Variants in SYNE1 observed in about 807,000 individuals in gnomAD.
The protein encoded by SYNE1 is spectrin repeat containing nuclear envelope protein 1, also known as nesprin-1.
SYNE1 carries 616 observed loss-of-function variants against 1,111.0 expected under a neutral mutation model. The observed-to-expected ratio is 0.55, with a 90% confidence interval of 0.52 to 0.59. The LOEUF (loss-of-function observed/expected upper bound fraction) is 0.59, where lower values mean the gene tolerates loss of function less well. Ranked by LOEUF, SYNE1 falls within the 20% of genes least tolerant of loss-of-function variation. SYNE1 has a pLI of 0.00. For synonymous variants in SYNE1, 3,855 were observed against 3,825.8 expected (o/e 1.01, Z -0.28); for missense variants, 10,006 against 10,417.0 (o/e 0.96, Z 1.72).
Position 152,187,998 on chromosome 6 carries a change from C to T in SYNE1, c.23301+1254G>A, listed in dbSNP as rs867310673. Among the ~76,000 whole-genome samples, 17 of 152,222 alleles carry T rather than the reference C, an allele frequency of 1.1e-4. 1 individual carries two copies. The Middle Eastern group carries it at 0.014, about 122-fold the overall frequency. On this transcript the variant is annotated intron_variant, in intron 128 of 145. Coordinates refer to ENST00000367255, the MANE Select transcript of SYNE1 (RefSeq NM_182961.4). Reference sequence around the variant, plus strand: ...GCCTCAGCCTCCCAAAGTGCTGGGACTACAGTCATAAGCCACCACACCTGG... The same window carrying T: ...GCCTCAGCCTCCCAAAGTGCTGGGATTACAGTCATAAGCCACCACACCTGG...
chr6:152,543,126 A>C (rs997622975), intron 3 of SYNE1, among the ~76,000 whole-genome samples: 4 of 152,136 alleles, frequency 2.6e-5, no homozygotes, highest in African/African-American at 9.6e-5. Context: ...TAACAATTTC[A>C]TCTGATGGTA....
At chr6:152,302,219 C>G (rs1362310235) in intron 91 of SYNE1, 156 bp from the exon 92 acceptor site, 1 of 984,010 alleles carries the variant, frequency 1.0e-6, no homozygotes, top group Non-Finnish European at 1.5e-6. Flanking sequence ...CTGCATCTCG[C>G]TACCGAGCCA....
chr6:152,138,418 G>C (rs879788256), intron 140 of SYNE1, among the ~76,000 whole-genome samples: 9 of 151,920 alleles, frequency 5.9e-5, no homozygotes, highest in South Asian at 2.1e-4. Context: ...GGCCGAGGCA[G>C]GAGAAACGCT....
At chr6:152,213,427 G>A (rs758686368) in intron 123 of SYNE1, among the ~76,000 whole-genome samples, 185 bp downstream of exon 123, 1 of 152,132 alleles carries the variant, frequency 6.6e-6, no homozygotes, top group Non-Finnish European at 1.5e-5. Flanking sequence ...ATGGAGCAGC[G>A]AATAGGACTA....
rs1007759443 is a variant in SYNE1 at position 152,352,609 on chromosome 6, G to A, written c.11254-256C>T. 2.0e-5 allele frequency among the ~76,000 whole-genome samples: 3 copies of A among 151,988 alleles called. No homozygotes were observed. The East Asian group carries it at 5.8e-4, about 29-fold the overall frequency. ...AGTAGAGACAGGGTTTCACCATGTG[G>A]GTCAGGCTGGTCTTGAACTTCTGAC... On this transcript the variant is annotated intron_variant, in intron 69 of 145. Coordinates refer to ENST00000367255, the MANE Select transcript of SYNE1 (RefSeq NM_182961.4).
chr6:152,628,247 G>A lies in SYNE1; in HGVS notation c.67+18C>T, dbSNP rs2099690211. 1.2e-6 allele frequency: 2 copies of A among 1,613,864 alleles called. No individual in the cohort carries two copies. The highest frequency in any genetic ancestry group is 2.2e-5 in the East Asian group (1 of 44,870). On this transcript the variant is annotated intron_variant, in intron 3 of 145. Coordinates refer to ENST00000367255, the MANE Select transcript of SYNE1 (RefSeq NM_182961.4). ...TGGTATTTGAATTTTTTTAAAACCTGAAATTTCTTCCCCCTACCTTGCAGC... is the reference window on the plus strand; with the variant it reads ...TGGTATTTGAATTTTTTTAAAACCTAAAATTTCTTCCCCCTACCTTGCAGC...
chr6:152,170,395 C>T (rs984213806), intron 130 of SYNE1, among the ~76,000 whole-genome samples: 3 of 152,170 alleles, frequency 2.0e-5, no homozygotes, highest in African/African-American at 7.2e-5. Context: ...GGAGATGTGG[C>T]AGTTAGTTTC....
chr6:152,341,194 A>T (rs922455217), intron 74 of SYNE1, among the ~76,000 whole-genome samples: 3 of 152,212 alleles, frequency 2.0e-5, no homozygotes, highest in Non-Finnish European at 2.9e-5. Context: ...TGGTATTGTG[A>T]GTCATCAGCC....
At chr6:152,246,812 T>G (rs1250059218) in intron 105 of SYNE1, among the ~76,000 whole-genome samples, 2 of 152,204 alleles carry the variant, frequency 1.3e-5, no homozygotes, top group East Asian at 3.8e-4. Context: ...AGAATGTTTT[T>G]AGATTCCTTA....
intron 42 of SYNE1, among the ~76,000 whole-genome samples, chr6:152,413,005 C>A (rs2098090816): frequency 6.6e-6 from 1 of 152,078 alleles, no homozygotes; most frequent in African/African-American, 2.4e-5. Context: ...GCACCCTCTA[C>A]CACACTCGGC....
intron 13 of SYNE1, 63 bp from the exon 14 acceptor site, chr6:152,483,312 A>G (rs990322437): frequency 3.3e-5 from 46 of 1,404,096 alleles, no homozygotes; most frequent in Admixed American, 1.0e-4. Context: ...ATAAAATTGC[A>G]CCCAAATAAT....
intron 78 of SYNE1, among the ~76,000 whole-genome samples, chr6:152,327,784 T>C (rs2096118775): frequency 6.6e-6 from 1 of 152,184 alleles, no homozygotes; most frequent in Non-Finnish European, 1.5e-5. Flanking sequence ...ACCTGACAAA[T>C]GTTTTTCAAG....
chr6:152,456,193 C>T (rs1409320196), intron 22 of SYNE1, 149 bp from the exon 23 acceptor site: 9 of 753,084 alleles, frequency 1.2e-5, no homozygotes, highest in Non-Finnish European at 4.2e-6. Flanking sequence ...TATGGTGGAA[C>T]ATTTCAAAAG....
intron 108 of SYNE1, among the ~76,000 whole-genome samples, chr6:152,238,163 G>A (rs1314090105): frequency 2.0e-5 from 3 of 152,142 alleles, no homozygotes. Context: ...CTGGGTAGGG[G>A]TGGGAGGGAG....
intron 127 of SYNE1, among the ~76,000 whole-genome samples, chr6:152,201,056 G>A (rs1563443485): frequency 6.6e-6 from 1 of 152,166 alleles, no homozygotes; most frequent in Non-Finnish European, 1.5e-5. Context: ...TTACCCTAGA[G>A]CAATAATTTG....
intron 3 of SYNE1, among the ~76,000 whole-genome samples, chr6:152,591,494 T>C (rs1391389056): frequency 1.3e-5 from 2 of 152,226 alleles, no homozygotes; most frequent in African/African-American, 2.4e-5. Context: ...CCTTTCACCA[T>C]ATACAAAAAT....
At chr6:152,424,779 A>AT (rs2098326392) in intron 39 of SYNE1, among the ~76,000 whole-genome samples, 8 of 152,258 alleles carry the variant, frequency 5.3e-5, no homozygotes, top group Non-Finnish European at 1.0e-4. Flanking sequence ...AAGTCAATAA[A>AT]TATTTGCTGA....
chr6:152,594,751 G>C (rs563928119), intron 3 of SYNE1, among the ~76,000 whole-genome samples: 20 of 152,222 alleles, frequency 1.3e-4, no homozygotes, highest in Middle Eastern at 3.4e-3. Context: ...TACTGAGTCA[G>C]TCTCCACCTC....
At chr6:152,605,038 G>GGAGGA (rs2099610283) in intron 3 of SYNE1, among the ~76,000 whole-genome samples, 1 of 36,646 alleles carries the variant, frequency 2.7e-5, no homozygotes, top group African/African-American at 1.3e-4. Flanking sequence ...GAGAGAGAGG[G>GGAGGA]AGGGAGGGAG....
Sources: gnomAD v4.1 joint callset for allele counts (sites outside exome capture counted in the v4.1 genomes callset) on GRCh38, gnomAD v4.1.1 for gene constraint, MANE v1.5 for transcripts, NCBI Gene and HGNC (gene_info 2026-07-23, HGNC 2026-07-21) for gene names.